Variants in YIF1B observed in about 807,000 individuals in gnomAD.
YIF1B encodes protein YIF1B.
Under a neutral mutation model 34.6 loss-of-function variants are expected in YIF1B, and 24 were observed. That is an observed-to-expected ratio of 0.69 (90% CI 0.50 to 0.98). YIF1B has a LOEUF of 0.98. Ranked by LOEUF, YIF1B falls within the 50% of genes least tolerant of loss-of-function variation. The probability of loss-of-function intolerance (pLI) is 0.00; values close to 1 mark genes in which losing one functional copy is unlikely to be tolerated. For missense variants in YIF1B, 368 were observed against 429.4 expected (o/e 0.86, Z 1.26); for synonymous variants, 186 against 184.8 (o/e 1.01, Z -0.05).
intron 7 of YIF1B, 200 bp downstream of exon 7, chr19:38,307,228 G>C (rs1335105146): frequency 3.3e-6 from 2 of 606,548 alleles, no homozygotes; most frequent in Non-Finnish European, 6.0e-6. Context: ...AGCCTGGCTG[G>C]TGTCTCCTCT....
intron 1 of YIF1B, among the ~76,000 whole-genome samples, chr19:38,312,876 G>A (rs1488554947): frequency 6.6e-6 from 1 of 152,048 alleles, no homozygotes; most frequent in African/African-American, 2.4e-5. Context: ...ACGGACCCAG[G>A]TCTCCTCAAT....
In YIF1B at chr19:38,304,831, C is replaced by T. The variant is rs371507602; in HGVS notation, c.*521G>A. ...ACCATCTCTTCTCTCCCATCCCTGC[C>T]CTCGGCCCCACAGTCCCACGCTGCT... is the stretch of plus-strand genomic sequence containing the variant. On this transcript the variant is annotated 3_prime_UTR_variant, in exon 8 of 8. Coordinates refer to ENST00000339413, the MANE Select transcript of YIF1B (RefSeq NM_001039672.3). 6.2e-7 allele frequency: 1 copy of T among 1,613,690 alleles called. No homozygotes were observed. The highest frequency in any genetic ancestry group is 8.5e-7 in the Non-Finnish European group (1 of 1,179,980).
upstream of YIF1B, among the ~76,000 whole-genome samples, chr19:38,317,934 G>A (rs1029810142): frequency 4.6e-5 from 7 of 151,036 alleles, no homozygotes; most frequent in African/African-American, 1.2e-4. Flanking sequence ...AGCGGATCAC[G>A]CCTGTAATCC....
chr19:38,304,400 C>T lies in YIF1B; in HGVS notation c.*952G>A, dbSNP rs572168647. ...CCCTGGAGCCCACCTCCCAGAAGCC[C>T]GGTGTGGGGGCGGGCCACGGGGGAG... On this transcript the variant is annotated 3_prime_UTR_variant, in exon 8 of 8. Transcript: ENST00000339413. The T allele has an allele frequency of 7.0e-6, 11 of 1,574,080 alleles. No individual in the cohort carries two copies. The highest frequency in any genetic ancestry group is 1.7e-4 in the Middle Eastern group (1 of 5,992).
Position 38,305,047 on chromosome 19 carries a change from G to T in YIF1B, c.*305C>A. The T allele has an allele frequency of 6.5e-7, 1 of 1,539,884 alleles. No homozygotes were observed. On this transcript the variant is annotated 3_prime_UTR_variant, in exon 8 of 8. Transcript: ENST00000339413. ...TGGTGCCTACTCTGGCCCGTCCCCA[G>T]CTCCCTGCCCCCTGCCCAGCGCTGG...
intron 1 of YIF1B, among the ~76,000 whole-genome samples, chr19:38,311,933 C>G (rs1568358403): frequency 6.6e-6 from 1 of 151,818 alleles, no homozygotes; most frequent in Non-Finnish European, 1.5e-5. Context: ...CCCATCTCTA[C>G]TAAAAATACA....
In YIF1B at chr19:38,307,649, T is replaced by G; in HGVS notation, c.643A>C (p.Thr215Pro). 1 of 1,613,704 alleles carries G rather than the reference T, an allele frequency of 6.2e-7. No homozygotes were observed. Among genetic ancestry groups the G allele is most frequent in the South Asian group, 1.1e-5 (1 of 91,066 alleles). ...ACCAGGTCGATGGTGGTGAGGTCGGTGTTGACAGTGACCAGATAGAGGCTG... is the reference window on the plus strand; with the variant it reads ...ACCAGGTCGATGGTGGTGAGGTCGGGGTTGACAGTGACCAGATAGAGGCTG... Reference protein sequence around the residue: ...LLSLYLVTVNTDLTTIDLVAF... With the variant: ...LLSLYLVTVNPDLTTIDLVAF... The change falls in exon 6 of 8, where the codon ACC becomes CCC. Residue 215 changes from threonine (T) to proline (P), a missense_variant. Physicochemically the swap from Thr to Pro is conservative, Grantham distance 38. Around this residue, in one of 3 missense-constraint regions of YIF1B, gnomAD observed 208 missense variants for 247.8 expected, o/e 0.84. Coordinates refer to ENST00000339413, the MANE Select transcript of YIF1B (RefSeq NM_001039672.3).
At chr19:38,313,772 G>C (rs1052923499) in intron 1 of YIF1B, among the ~76,000 whole-genome samples, 1 of 152,204 alleles carries the variant, frequency 6.6e-6, no homozygotes, top group African/African-American at 2.4e-5. Context: ...TGCCCCCACT[G>C]GCTTTTGAAT....
rs773151210 is a variant in YIF1B, at chr19:38,304,324, G to C, written c.*1028C>G. The stretch of plus-strand genomic sequence containing the variant: ...GTGTGGACTGGAGGTGCAGGGGGCC[G>C]GACTCAAGCCCAGAAGCTGCCTGCA... On this transcript the variant is annotated 3_prime_UTR_variant, in exon 8 of 8. Transcript: ENST00000339413. 2.5e-6 allele frequency: 4 copies of C among 1,612,800 alleles called. No homozygotes were observed. In the African/African-American group the frequency reaches 5.3e-5, roughly 22 times the overall value.
rs201974576 is a variant in YIF1B, at chr19:38,304,940, CAAG to C, written c.*409_*411del. 0.034 allele frequency: 54,569 copies of C among 1,610,784 alleles called. 1,062 individuals are homozygous for C. Among genetic ancestry groups the C allele is most frequent in the South Asian group, 0.051 (4,633 of 90,764 alleles). ...AGGAGAAGGGCAAGAAGGAGAAGGG[CAAG>C]AAGAAGGAGGCTCCCCACTGAAGGG... is the stretch of plus-strand genomic sequence containing the variant. On this transcript the variant is annotated 3_prime_UTR_variant, in exon 8 of 8. Transcript: ENST00000339413.
intron 7 of YIF1B, among the ~76,000 whole-genome samples, chr19:38,305,978 C>T (rs1043865942): frequency 1.3e-5 from 2 of 151,978 alleles, no homozygotes; most frequent in African/African-American, 4.8e-5. Context: ...CCAAGGCGGG[C>T]GGATCACGAG....
Position 38,304,181 on chromosome 19 carries a change from G to A in YIF1B, c.*1171C>T. Reference sequence around the variant, plus strand: ...GTCTCAGCATTCCTCCAACGGGCAGGTCTCAGCGCTCCTCCCCCTGCTCCG... The same window carrying A: ...GTCTCAGCATTCCTCCAACGGGCAGATCTCAGCGCTCCTCCCCCTGCTCCG... On this transcript the variant is annotated 3_prime_UTR_variant, in exon 8 of 8. Transcript: ENST00000339413. 1 of 1,560,796 alleles carries A rather than the reference G, an allele frequency of 6.4e-7. No homozygotes were observed. Among genetic ancestry groups the A allele is most frequent in the South Asian group, 1.1e-5 (1 of 87,968 alleles).
chr19:38,309,722 G>T, intron 1 of YIF1B, 79 bp from the exon 2 acceptor site: 1 of 1,506,418 alleles, frequency 6.6e-7, no homozygotes, highest in Non-Finnish European at 8.8e-7. Context: ...TCATCCCACA[G>T]CTCTGCCTCC....
chr19:38,306,200 C>G (rs895153010), intron 7 of YIF1B, among the ~76,000 whole-genome samples: 1 of 97,120 alleles, frequency 1.0e-5, no homozygotes, highest in African/African-American at 3.9e-5. Flanking sequence ...GAGACTCTGT[C>G]TCACAAAAAA....
chr19:38,316,970 A>G (rs535614135), upstream of YIF1B, among the ~76,000 whole-genome samples: 6 of 152,332 alleles, frequency 3.9e-5, no homozygotes, highest in South Asian at 6.2e-4. Flanking sequence ...CTTAAAGTGA[A>G]TATTTAGAGT....
chr19:38,307,292 G>A (rs1482558705), intron 7 of YIF1B, 136 bp downstream of exon 7: 16 of 936,842 alleles, frequency 1.7e-5, no homozygotes, highest in South Asian at 6.5e-5. Flanking sequence ...CCCCCAGGCC[G>A]GGCAGCCACT....
In YIF1B at chr19:38,309,647, C is replaced by T. The variant is rs367871566; in HGVS notation, c.59-4G>A. ...ACAGGGATCCTCCGCTTCGAGGCTG[C>T]AAGGGAAGAGAGTGAGAAGGAGCTG... On this transcript the variant is annotated splice_region_variant and splice_polypyrimidine_tract_variant and intron_variant, in intron 1 of 7. Transcript: ENST00000339413. 5.2e-5 allele frequency: 83 copies of T among 1,595,726 alleles called. No individual in the cohort carries two copies. The African/African-American group carries it at 7.9e-4, about 15-fold the overall frequency.
At position 38,308,956 on chromosome 19, in the gene YIF1B, G is replaced by A. The variant is rs1270279319; in HGVS notation, c.481+23C>T. The A allele has an allele frequency of 2.5e-6, 4 of 1,610,810 alleles. No homozygotes were observed. The African/African-American group carries it at 4.0e-5, about 16-fold the overall frequency. On this transcript the variant is annotated intron_variant, in intron 4 of 7. Transcript: ENST00000339413. Reference sequence around the variant, plus strand: ...ATAGGCCCGGAAGAGAGAGGAGGGTGCAGGGTAGGGGGAGGGTGAAACCTG... The same window carrying A: ...ATAGGCCCGGAAGAGAGAGGAGGGTACAGGGTAGGGGGAGGGTGAAACCTG...
In YIF1B at chr19:38,307,744, G is replaced by C; in HGVS notation, c.548C>G (p.Pro183Arg). ...GCTCGCTTGCAGCCCCAGGAGGTCT[G>C]GGGAGAACCTGCAGGCACAAAGCCC... Reference protein sequence around the residue: ...LALGTQDRFSPDLLGLQASSA... With the variant: ...LALGTQDRFSRDLLGLQASSA... The change falls in exon 6 of 8, where the codon CCA (proline) becomes CGA (arginine). Residue 183 changes from proline (P) to arginine (R), a missense_variant. Transcript: ENST00000339413. The C allele has an allele frequency of 6.2e-7, 1 of 1,612,558 alleles. No homozygotes were observed. The highest frequency in any genetic ancestry group is 8.5e-7 in the Non-Finnish European group (1 of 1,179,762).
Sources: gnomAD v4.1 joint callset for allele counts (sites outside exome capture counted in the v4.1 genomes callset) on GRCh38, gnomAD v4.1.1 for gene constraint, gnomAD v4.1.1 regional missense constraint, MANE v1.5 for transcripts, NCBI Gene and HGNC (gene_info 2026-07-23, HGNC 2026-07-21) for gene names.